Variants in MAF observed in about 807,000 individuals in gnomAD.
MAF encodes MAF bZIP transcription factor, also known as transcription factor Maf.
A neutral mutation model predicts 22.0 loss-of-function variants in MAF; 10 were observed. The ratio of observed to expected loss-of-function variants is 0.45; its 90% CI spans 0.28 to 0.77. The LOEUF (loss-of-function observed/expected upper bound fraction) is 0.77. Ranked by LOEUF, MAF falls within the 30% of genes least tolerant of loss-of-function variation. The pLI is 0.12. For missense variants in MAF, 544 were observed against 548.4 expected, an observed-to-expected ratio of 0.99 and a Z score of 0.08; for synonymous variants, 337 against 255.8, an observed-to-expected ratio of 1.32 and a Z score of -3.03.
chr16:79,296,808 A>C, the MAF span, among the ~76,000 whole-genome samples: 4 of 152,168 alleles, frequency 2.6e-5, no homozygotes, highest in African/African-American at 9.6e-5. Flanking sequence ...ACCACCTAGC[A>C]TTACCCTCTG....
the MAF span, among the ~76,000 whole-genome samples, chr16:79,339,567 CTA>C: frequency 6.6e-6 from 1 of 152,114 alleles, no homozygotes; most frequent in South Asian, 2.1e-4. Flanking sequence ...TGTTAAGCCG[CTA>C]AAATTTTGAG....
At chr16:79,216,035 G>A in the MAF span, among the ~76,000 whole-genome samples, 10 of 152,298 alleles carry the variant, frequency 6.6e-5, no homozygotes, top group East Asian at 1.9e-3. Context: ...ATTCTTGACA[G>A]GTGAGCAAGT....
chr16:79,424,919 C>T, the MAF span, among the ~76,000 whole-genome samples: 1 of 152,054 alleles, frequency 6.6e-6, no homozygotes, highest in East Asian at 1.9e-4. Context: ...TAGATGAACA[C>T]AGGAGAAAAT....
intron 1 of MAF, chr16:79,598,455 T>TG: frequency 9.2e-7 from 1 of 1,086,880 alleles, no homozygotes; most frequent in Middle Eastern, 3.9e-4. Context: ...CGGGGGGGTG[T>TG]AAAAAAAAAA....
chr16:79,421,194 G>A, the MAF span, among the ~76,000 whole-genome samples: 3 of 152,136 alleles, frequency 2.0e-5, no homozygotes, highest in Admixed American at 6.5e-5. Flanking sequence ...TATACATTGC[G>A]TTTGTTATTG....
chr16:79,492,630 T>C, the MAF span, among the ~76,000 whole-genome samples: 1 of 151,970 alleles, frequency 6.6e-6, no homozygotes, highest in Non-Finnish European at 1.5e-5. Context: ...GAATACAATG[T>C]CCATCAATCA....
the MAF span, among the ~76,000 whole-genome samples, chr16:79,500,015 C>A: frequency 1.3e-5 from 2 of 152,076 alleles, no homozygotes; most frequent in Admixed American, 1.3e-4. Flanking sequence ...TATATAAAGA[C>A]AGTAGAGAGA....
chr16:79,497,581 C>A, the MAF span, among the ~76,000 whole-genome samples: 35 of 152,348 alleles, frequency 2.3e-4, no homozygotes, highest in Middle Eastern at 3.4e-3. Context: ...ATCTAATTCA[C>A]CTCACAGGCC....
At chr16:79,344,297 G>C in the MAF span, among the ~76,000 whole-genome samples, 2 of 152,216 alleles carry the variant, frequency 1.3e-5, no homozygotes, top group African/African-American at 4.8e-5. Flanking sequence ...GCTAGTAAGT[G>C]ACTAAGGGCG....
chr16:79,553,348 G>A, the MAF span, among the ~76,000 whole-genome samples: 7 of 152,334 alleles, frequency 4.6e-5, no homozygotes, highest in African/African-American at 1.7e-4. Context: ...GGTCTCTCTG[G>A]ACCCCTGGCC....
At chr16:79,210,471 G>A in the MAF span, among the ~76,000 whole-genome samples, 117 of 152,260 alleles carry the variant, frequency 7.7e-4, no homozygotes, top group Non-Finnish European at 1.3e-3. Context: ...GGGTCGGGTC[G>A]GAAAGCCATT....
chr16:79,431,796 T>C, the MAF span, among the ~76,000 whole-genome samples: 1 of 152,196 alleles, frequency 6.6e-6, no homozygotes, highest in African/African-American at 2.4e-5. Context: ...CTAGTTCTTG[T>C]GGAAAGGGAT....
the MAF span, among the ~76,000 whole-genome samples, chr16:79,383,689 G>T: frequency 6.6e-6 from 1 of 152,250 alleles, no homozygotes. Context: ...AGTTGCTGTA[G>T]GTGTCACAGA....
At chr16:79,222,022 T>C in the MAF span, among the ~76,000 whole-genome samples, 1 of 152,094 alleles carries the variant, frequency 6.6e-6, no homozygotes, top group Non-Finnish European at 1.5e-5. Flanking sequence ...CGGAGATCAA[T>C]TTAAATGTCT....
the MAF span, among the ~76,000 whole-genome samples, chr16:79,302,299 G>A: frequency 6.6e-6 from 1 of 152,184 alleles, no homozygotes; most frequent in Non-Finnish European, 1.5e-5. Context: ...GCAGGCTGTG[G>A]GCTCTCTAAT....
chr16:79,223,588 A>C, the MAF span, among the ~76,000 whole-genome samples: 1 of 152,196 alleles, frequency 6.6e-6, no homozygotes, highest in East Asian at 1.9e-4. Context: ...GTTTTTTTGC[A>C]AAGATCAACA....
At chr16:79,246,144 C>T in the MAF span, among the ~76,000 whole-genome samples, 166 of 152,094 alleles carry the variant, frequency 1.1e-3, no homozygotes, top group Non-Finnish European at 2.0e-3. Context: ...CACCATGGCA[C>T]GTGTATACCT....
At chr16:79,347,249 C>G in the MAF span, among the ~76,000 whole-genome samples, 2 of 152,204 alleles carry the variant, frequency 1.3e-5, no homozygotes, top group African/African-American at 4.8e-5. Context: ...TGTGGGCGTG[C>G]AGATGTGAGA....
chr16:79,573,971 T>C, the MAF span, among the ~76,000 whole-genome samples: 1 of 152,248 alleles, frequency 6.6e-6, no homozygotes, highest in Non-Finnish European at 1.5e-5. Context: ...GTGTACCTAA[T>C]TGCTTATTCA....
Sources: gnomAD v4.1 joint callset for allele counts (sites outside exome capture counted in the v4.1 genomes callset) on GRCh38, gnomAD v4.1.1 for gene constraint, MANE v1.5 for transcripts, NCBI Gene and HGNC (gene_info 2026-07-23, HGNC 2026-07-21) for gene names.